The following ERC1 variants were observed in gnomAD, a reference collection of about 807,000 sequenced individuals.
ERC1 encodes the protein RAB6 interacting protein 2.
ERC1 carries 56 observed loss-of-function variants against 132.0 expected under a neutral mutation model. The observed-to-expected ratio is 0.42, with a 90% confidence interval of 0.34 to 0.53. The LOEUF is 0.53. Ranked by LOEUF, ERC1 falls within the 20% of genes least tolerant of loss-of-function variation. ERC1 has a pLI of 0.03. For missense variants in ERC1, 1,202 were observed against 1,349.9 expected, an observed-to-expected ratio of 0.89 and a Z score of 1.72; for synonymous variants, 478 against 476.1, an observed-to-expected ratio of 1.00 and a Z score of -0.05.
chr12:1,460,971 T>TTTG (rs1308012866), intron 18 of ERC1, among the ~76,000 whole-genome samples: 4 of 142,000 alleles, frequency 2.8e-5, no homozygotes, highest in Non-Finnish European at 6.1e-5. Context: ...TTTTTTTTTT[T>TTTG]TTTTTTTTTT....
rs562425796 is a variant in ERC1, at chr12:1,055,071, CAAAAA to C, written c.669+26502_669+26506del. Among the ~76,000 whole-genome samples, 52 of 152,090 alleles carry C rather than the reference CAAAAA, an allele frequency of 3.4e-4. 1 individual carries two copies. The highest frequency in any genetic ancestry group is 2.3e-3 in the South Asian group (11 of 4,814). Reference sequence around the variant, plus strand: ...CTACCTAAAACAAAACAAAACAAAACAAAAAAAGAATGAACTGTTTCCTCATTAAG... The same window carrying C: ...CTACCTAAAACAAAACAAAACAAAACAAGAATGAACTGTTTCCTCATTAAG... On this transcript the variant is annotated intron_variant, in intron 2 of 18. Coordinates refer to ENST00000360905, the MANE Select transcript of ERC1 (RefSeq NM_178040.4).
intron 8 of ERC1, among the ~76,000 whole-genome samples, chr12:1,174,986 A>G (rs530543917): frequency 6.6e-6 from 1 of 152,384 alleles, no homozygotes; most frequent in Non-Finnish European, 1.5e-5. Flanking sequence ...TTGGCTTCCC[A>G]GAGCATATAA....
chr12:1,196,674 T>C (rs1392801381), intron 12 of ERC1, among the ~76,000 whole-genome samples: 1 of 149,772 alleles, frequency 6.7e-6, no homozygotes, highest in East Asian at 2.0e-4. Context: ...CTTAATTTTT[T>C]TGTAGGGCTG....
intron 15 of ERC1, among the ~76,000 whole-genome samples, chr12:1,352,953 A>G (rs1159861957): frequency 1.3e-5 from 2 of 151,854 alleles, no homozygotes; most frequent in Non-Finnish European, 2.9e-5. Context: ...AGGCATGTAT[A>G]TTCAGTCAGA....
rs192112231 is a variant in ERC1, at chr12:1,281,343, G to A, written c.2620-8509G>A. ...CTCCCTAGCAAAGCAAAAAAAAAAT[G>A]CCTTTTCAGAAGAGAAATTATCAGA... On this transcript the variant is annotated intron_variant, in intron 14 of 18. Coordinates refer to ENST00000360905, the MANE Select transcript of ERC1 (RefSeq NM_178040.4). 1.8e-3 allele frequency among the ~76,000 whole-genome samples: 271 copies of A among 152,086 alleles called. 1 individual carries two copies. The highest frequency in any genetic ancestry group is 4.6e-3 in the Admixed American group (71 of 15,286).
At chr12:1,009,176 G>C (rs944764279) in intron 1 of ERC1, among the ~76,000 whole-genome samples, 1 of 151,088 alleles carries the variant, frequency 6.6e-6, no homozygotes, top group South Asian at 2.1e-4. Flanking sequence ...TGGTGGTAAA[G>C]ATTTTTTTTT....
At chr12:1,093,200 C>T (rs923728041) in intron 3 of ERC1, among the ~76,000 whole-genome samples, 6 of 152,046 alleles carry the variant, frequency 3.9e-5, no homozygotes, top group African/African-American at 1.4e-4. Flanking sequence ...AATAATTCTC[C>T]CCCCCAAAAG....
intron 2 of ERC1, among the ~76,000 whole-genome samples, chr12:1,062,828 T>C (rs764434183): frequency 5.3e-5 from 8 of 152,358 alleles, no homozygotes; most frequent in Non-Finnish European, 8.8e-5. Context: ...CAATTATTCT[T>C]ATATTGGGAT....
chr12:1,458,140 G>A (rs776675237), intron 18 of ERC1, among the ~76,000 whole-genome samples: 2 of 152,208 alleles, frequency 1.3e-5, no homozygotes, highest in Non-Finnish European at 2.9e-5. Context: ...CATAGCTGGT[G>A]TGTTTGTCAT....
At chr12:1,309,557 A>AT (rs1322306535) in intron 15 of ERC1, among the ~76,000 whole-genome samples, 2 of 151,974 alleles carry the variant, frequency 1.3e-5, no homozygotes, top group Non-Finnish European at 2.9e-5. Context: ...AGCATGGCCT[A>AT]TTTTTTTACT....
At chr12:1,220,161 T>C (rs1958840453) in intron 12 of ERC1, among the ~76,000 whole-genome samples, 1 of 152,254 alleles carries the variant, frequency 6.6e-6, no homozygotes, top group Admixed American at 6.5e-5. Context: ...CTGACCATTG[T>C]AGCTGAAATA....
chr12:1,055,257 G>A (rs1972738567), intron 2 of ERC1, among the ~76,000 whole-genome samples: 4 of 151,852 alleles, frequency 2.6e-5, no homozygotes, highest in Admixed American at 2.6e-4. Flanking sequence ...TCTGTTCACT[G>A]CAACCTCTGC....
intron 1 of ERC1, among the ~76,000 whole-genome samples, chr12:1,001,492 G>T (rs534555251): frequency 1.2e-4 from 18 of 152,330 alleles, no homozygotes; most frequent in Admixed American, 4.6e-4. Context: ...CATTCCACAA[G>T]CTTTCCTTGA....
intron 13 of ERC1, among the ~76,000 whole-genome samples, chr12:1,253,875 A>G (rs1053490267): frequency 1.3e-5 from 2 of 152,156 alleles, no homozygotes; most frequent in African/African-American, 2.4e-5. Context: ...CTTCTGCCCT[A>G]GTCTCTTTGA....
rs1971979673 is a variant in ERC1, at chr12:1,051,528, CCAAAAAAAAAA to C, written c.669+22957_669+22967del. On this transcript the variant is annotated intron_variant, in intron 2 of 18. Transcript: ENST00000360905. ...TACATAGCAAGGCCTCGTCTCTACC[CCAAAAAAAAAA>C]AAAAAAAAAAAAAAAGGGCAGAAGA... Among the ~76,000 whole-genome samples, 3 of 97,996 alleles carry C rather than the reference CCAAAAAAAAAA, an allele frequency of 3.1e-5. No individual in the cohort carries two copies. The South Asian group carries it at 1.2e-3, about 38-fold the overall frequency. The allele number at this position is 97,996 out of a possible 152,430, so 64.3% of individuals were successfully genotyped here. A position where few individuals can be genotyped will look rare whatever the true frequency, so the allele number is the denominator to read the frequency against.
chr12:1,259,990 A>T (rs1303562937), intron 13 of ERC1, among the ~76,000 whole-genome samples: 2 of 152,142 alleles, frequency 1.3e-5, no homozygotes, highest in East Asian at 3.9e-4. Context: ...GTGTGTAGTT[A>T]GTCTCTAGGT....
At chr12:1,390,425 A>G (rs1365628009) in intron 16 of ERC1, among the ~76,000 whole-genome samples, 1 of 152,146 alleles carries the variant, frequency 6.6e-6, no homozygotes, top group Admixed American at 6.5e-5. Context: ...AAAAAATAAT[A>G]AAGTTTAATT....
intron 13 of ERC1, among the ~76,000 whole-genome samples, chr12:1,252,140 C>T (rs776992397): frequency 3.3e-5 from 5 of 152,032 alleles, no homozygotes; most frequent in African/African-American, 7.2e-5. Flanking sequence ...GTGTTAGGAA[C>T]GTTATAATTC....
At chr12:1,308,852 T>G (rs2081076480) in intron 15 of ERC1, among the ~76,000 whole-genome samples, 1 of 152,132 alleles carries the variant, frequency 6.6e-6, no homozygotes, top group Non-Finnish European at 1.5e-5. Flanking sequence ...CCCCCAAAAT[T>G]CATGTGTTGA....
Sources: gnomAD v4.1 joint callset for allele counts (sites outside exome capture counted in the v4.1 genomes callset) on GRCh38, gnomAD v4.1.1 for gene constraint, MANE v1.5 for transcripts, NCBI Gene and HGNC (gene_info 2026-07-23, HGNC 2026-07-21) for gene names.